Variants in DIAPH1 observed in about 807,000 individuals in gnomAD.
DIAPH1 encodes diaphanous related formin 1.
Under a neutral mutation model 140.7 loss-of-function variants are expected in DIAPH1, and 46 were observed. The observed-to-expected ratio is 0.33, with a 90% CI of 0.26 to 0.42. The LOEUF is 0.42. DIAPH1 is among the 10% of genes least tolerant of loss of function. The probability of loss-of-function intolerance (pLI) is 1.00; values close to 1 mark genes in which losing one functional copy is unlikely to be tolerated. For missense variants in DIAPH1, 1,310 were observed against 1,558.7 expected (o/e 0.84, Z 2.69); for synonymous variants, 565 against 551.6 (o/e 1.02, Z -0.34).
chr5:141,591,954 T>A (rs1050104800), intron 1 of DIAPH1, among the ~76,000 whole-genome samples: 1 of 149,974 alleles, frequency 6.7e-6, no homozygotes, highest in African/African-American at 2.5e-5. Flanking sequence ...TGGTGGCGCC[T>A]GCCTGTAATC....
intron 18 of DIAPH1, among the ~76,000 whole-genome samples, chr5:141,535,391 G>A (rs369651124): frequency 6.6e-6 from 1 of 152,118 alleles, no homozygotes; most frequent in Non-Finnish European, 1.5e-5. Flanking sequence ...CTCATGAAAC[G>A]TTCCCTGATA....
At chr5:141,561,682 A>C (rs1019997246) in intron 18 of DIAPH1, 4 of 152,196 alleles carry the variant, frequency 2.6e-5, no homozygotes, top group African/African-American at 9.6e-5. Flanking sequence ...ATTCCCTTCT[A>C]ATCTTTCACT....
At chr5:141,591,604 A>G (rs1416764794) in intron 1 of DIAPH1, among the ~76,000 whole-genome samples, 1 of 149,106 alleles carries the variant, frequency 6.7e-6, no homozygotes, top group East Asian at 2.0e-4. Flanking sequence ...AAGCTGCCAA[A>G]TCTTTGCATT....
chr5:141,543,115 A>G (rs1393852880), intron 18 of DIAPH1, among the ~76,000 whole-genome samples: 1 of 152,006 alleles, frequency 6.6e-6, no homozygotes, highest in Non-Finnish European at 1.5e-5. Flanking sequence ...AGCATTATTT[A>G]TAATAGCCAA....
At chr5:141,585,779 C>CA (rs1307440974) in intron 3 of DIAPH1, among the ~76,000 whole-genome samples, 7 of 150,792 alleles carry the variant, frequency 4.6e-5, no homozygotes, top group Non-Finnish European at 7.4e-5. Context: ...TACTCCATCT[C>CA]AAAAAAAAGA....
intron 18 of DIAPH1, among the ~76,000 whole-genome samples, chr5:141,540,132 T>C (rs1172618986): frequency 6.6e-6 from 1 of 152,044 alleles, no homozygotes; most frequent in East Asian, 1.9e-4. Context: ...TTTTCTTTTT[T>C]TTGAGACGGA....
intron 1 of DIAPH1, among the ~76,000 whole-genome samples, chr5:141,602,657 ATATAAAGCAC>A (rs1170238559): frequency 9.9e-5 from 15 of 152,236 alleles, no homozygotes; most frequent in Non-Finnish European, 2.2e-4. Context: ...AATAAAACAG[ATATAAAGCAC>A]TTTGTTTTGC....
At chr5:141,535,752 T>C (rs1164897806) in intron 18 of DIAPH1, among the ~76,000 whole-genome samples, 2 of 152,222 alleles carry the variant, frequency 1.3e-5, no homozygotes, top group Non-Finnish European at 2.9e-5. Context: ...CTTTGTACTA[T>C]AGTGTAACTT....
chr5:141,533,943 A>C lies in DIAPH1; in HGVS notation c.2581+392T>G, dbSNP rs568469385. On this transcript the variant is annotated intron_variant, in intron 19 of 27. Coordinates refer to ENST00000389054, the MANE Select transcript of DIAPH1 (RefSeq NM_005219.5). ...CTACTTGGGAGGCTGGGGTGGAAGA[A>C]TCAACTGAGCCCAGGAAGCTGAGGT... Among the ~76,000 whole-genome samples the C allele has an allele frequency of 2.7e-5, 4 of 150,858 alleles. No individual in the cohort carries two copies. The South Asian group carries it at 6.3e-4, about 24-fold the overall frequency.
chr5:141,571,521 G>C (rs1365381873), intron 17 of DIAPH1, 85 bp from the exon 18 acceptor site: 1 of 1,212,804 alleles, frequency 8.2e-7, no homozygotes, highest in African/African-American at 1.5e-5. Context: ...TATGGTTCTT[G>C]TTACTGTAGA....
Position 141,586,270 on chromosome 5 carries a change from G to C in DIAPH1, c.300+772C>G, listed in dbSNP as rs150675915. On this transcript the variant is annotated intron_variant, in intron 3 of 27. Coordinates refer to ENST00000389054, the MANE Select transcript of DIAPH1 (RefSeq NM_005219.5). Reference sequence around the variant, plus strand: ...TGGAATATTAAGAGACAAACTGAAAGATTCAGTGAAAAATAACAACAGTAG... The same window carrying C: ...TGGAATATTAAGAGACAAACTGAAACATTCAGTGAAAAATAACAACAGTAG... 7.6e-3 allele frequency among the ~76,000 whole-genome samples: 1,154 copies of C among 152,304 alleles called. 19 individuals carry two copies. Among genetic ancestry groups the C allele is most frequent in the African/African-American group, 0.026 (1,096 of 41,566 alleles).
intron 1 of DIAPH1, among the ~76,000 whole-genome samples, chr5:141,601,009 T>C (rs2099900057): frequency 6.6e-6 from 1 of 151,960 alleles, no homozygotes; most frequent in Admixed American, 6.6e-5. Context: ...TTCTCACTCA[T>C]AGGTGGGAAC....
At position 141,618,936 on chromosome 5, in the gene DIAPH1, C is replaced by A. The variant is rs530831319; in HGVS notation, c.-22G>T. The A allele has an allele frequency of 2.2e-3, 3,087 of 1,402,666 alleles. 2 individuals carry two copies. Among genetic ancestry groups the A allele is most frequent in the Non-Finnish European group, 2.7e-3 (2,861 of 1,050,842 alleles). The allele number at this position is 1,402,666 out of a possible 1,614,324, so 86.9% of individuals were successfully genotyped here. A position where few individuals can be genotyped will look rare whatever the true frequency, so the allele number is the denominator to read the frequency against. ...CCATGTCCCGGTTCACGCTGGCCGG[C>A]GACCCCGCGCCTACGCCGCTCCCGC... is the stretch of plus-strand genomic sequence containing the variant. On this transcript the variant is annotated 5_prime_UTR_variant, in exon 1 of 28. Coordinates refer to ENST00000389054, the MANE Select transcript of DIAPH1 (RefSeq NM_005219.5).
intron 18 of DIAPH1, among the ~76,000 whole-genome samples, chr5:141,538,711 G>A (rs924591178): frequency 2.6e-5 from 4 of 152,038 alleles, no homozygotes; most frequent in African/African-American, 9.7e-5. Flanking sequence ...GGGATAACAG[G>A]CGTGAGCCAC....
intron 18 of DIAPH1, among the ~76,000 whole-genome samples, chr5:141,566,007 A>G (rs1224416908): frequency 2.0e-5 from 3 of 152,210 alleles, no homozygotes; most frequent in Non-Finnish European, 2.9e-5. Context: ...TGAGAGAGAT[A>G]ATGGAAGAAC....
intron 1 of DIAPH1, among the ~76,000 whole-genome samples, chr5:141,604,633 A>G (rs1267991707): frequency 6.6e-6 from 1 of 152,234 alleles, no homozygotes; most frequent in African/African-American, 2.4e-5. Flanking sequence ...TTCTACATAC[A>G]GGCACCAAGT....
At chr5:141,560,837 C>G in intron 18 of DIAPH1, 1 of 456,158 alleles carries the variant, frequency 2.2e-6, no homozygotes, top group Non-Finnish European at 4.4e-6. Flanking sequence ...TCCCAGCCCC[C>G]AGCCTGAGCC....
chr5:141,579,216 C>A lies in DIAPH1; in HGVS notation c.825-20G>T. On this transcript the variant is annotated intron_variant, in intron 8 of 27. Transcript: ENST00000389054. ...TCATTCCTGCCCAAGAGAAAGGAAA[C>A]GGAGAGAACTTTCCAGGTACTGTGA... is the stretch of plus-strand genomic sequence containing the variant. The A allele has an allele frequency of 6.3e-7, 1 of 1,593,284 alleles. No homozygotes were observed.
chr5:141,562,615 A>C (rs75817641), intron 18 of DIAPH1, among the ~76,000 whole-genome samples: 22,725 of 136,420 alleles, frequency 0.17, 1,822 homozygotes, highest in South Asian at 0.21. Context: ...GCAAAAAAAA[A>C]AAAACAAACA....
Sources: allele counts gnomAD v4.1 joint callset (sites outside exome capture counted in the v4.1 genomes callset), GRCh38; gene constraint gnomAD v4.1.1; transcripts MANE v1.5; gene names NCBI Gene and HGNC (gene_info 2026-07-23, HGNC 2026-07-21).